The following SPATA16 variants were observed in gnomAD, a reference collection of about 807,000 sequenced individuals.
SPATA16 encodes the protein spermatogenesis associated 16.
In SPATA16, 36 loss-of-function variants were observed where a neutral mutation model predicts 63.3. That is an observed-to-expected ratio of 0.57 (90% CI 0.44 to 0.75). The LOEUF is 0.75. Among genes scored for constraint, SPATA16 ranks in the 30% least tolerant of loss-of-function variants. The pLI is 0.00. For missense variants in SPATA16, 646 were observed against 679.3 expected (o/e 0.95, Z 0.54); for synonymous variants, 203 against 216.7 (o/e 0.94, Z 0.56).
intron 4 of SPATA16, among the ~76,000 whole-genome samples, chr3:173,017,730 T>A (rs1393670795): frequency 6.6e-6 from 1 of 152,234 alleles, no homozygotes; most frequent in Non-Finnish European, 1.5e-5. Flanking sequence ...TGAAATTGTG[T>A]CTAGCCTTCT....
At chr3:173,117,813 T>C in intron 1 of SPATA16, 64 bp from the exon 2 acceptor site, 2 of 1,609,184 alleles carry the variant, frequency 1.2e-6, no homozygotes, top group Non-Finnish European at 1.7e-6. Flanking sequence ...GTTTAGACTA[T>C]AGTCAAATTC....
chr3:172,960,235 G>C (rs1354320404), intron 5 of SPATA16, among the ~76,000 whole-genome samples: 1 of 152,162 alleles, frequency 6.6e-6, no homozygotes, highest in Non-Finnish European at 1.5e-5. Context: ...TTCTTAATTT[G>C]ACATAAATAT....
intron 5 of SPATA16, among the ~76,000 whole-genome samples, chr3:172,964,330 A>G (rs1263620470): frequency 6.6e-6 from 1 of 152,202 alleles, no homozygotes; most frequent in African/African-American, 2.4e-5. Context: ...AACTTAAAGT[A>G]TGTTCTTGTT....
At position 173,117,499 on chromosome 3, in the gene SPATA16, T is replaced by A. The variant is rs1394039364; in HGVS notation, c.233A>T (p.Glu78Val). 6.2e-7 allele frequency: 1 copy of A among 1,614,198 alleles called. No homozygotes were observed. ...TGCCTTCCGTTTAAAGGCTGCTTTC[T>A]CTAAATCATTGCTTTGTTTTTCTTT... ...GIKEKQSNDL[E>V]KAAFKRKAEG... Residue 78 changes from glutamate (E) to valine (V), a missense_variant, in exon 2 of 11, where the codon GAG becomes GTG. Physicochemically the swap from Glu to Val is moderately radical, Grantham distance 121. Transcript: ENST00000351008.
chr3:173,101,593 T>C (rs1418280780), intron 2 of SPATA16, among the ~76,000 whole-genome samples: 1 of 152,206 alleles, frequency 6.6e-6, no homozygotes, highest in Non-Finnish European at 1.5e-5. Context: ...ACCTGGATTA[T>C]CGTCATCTTT....
At chr3:172,910,070 C>G (rs918647071) in intron 10 of SPATA16, among the ~76,000 whole-genome samples, 1 of 149,260 alleles carries the variant, frequency 6.7e-6, no homozygotes, top group Non-Finnish European at 1.5e-5. Flanking sequence ...AGGTAATGCT[C>G]TACACCAGAG....
intron 4 of SPATA16, among the ~76,000 whole-genome samples, chr3:172,981,527 G>A (rs1515436): frequency 1 from 152,260 of 152,264 alleles, 76,128 homozygotes; most frequent in Middle Eastern, 1. Context: ...TGGCCATACT[G>A]TTGCTTCTGG....
intron 10 of SPATA16, among the ~76,000 whole-genome samples, chr3:172,910,902 C>T (rs1464691553): frequency 2.0e-5 from 3 of 152,232 alleles, no homozygotes; most frequent in African/African-American, 7.2e-5. Flanking sequence ...CTTGCCAGCA[C>T]CCTATGTGAA....
At chr3:173,043,267 TTAAA>T (rs1735887185) in intron 3 of SPATA16, among the ~76,000 whole-genome samples, 3 of 152,158 alleles carry the variant, frequency 2.0e-5, no homozygotes, top group East Asian at 1.9e-4. Flanking sequence ...TTTCAGTTAA[TTAAA>T]TATTCATTAG....
intron 2 of SPATA16, among the ~76,000 whole-genome samples, chr3:173,070,825 C>T (rs187655772): frequency 1.1e-4 from 16 of 152,134 alleles, no homozygotes; most frequent in Middle Eastern, 3.4e-3. Context: ...CACAAAACAC[C>T]GGAAAGATGT....
intron 3 of SPATA16, among the ~76,000 whole-genome samples, chr3:173,038,568 C>T (rs1036695221): frequency 6.6e-6 from 1 of 151,974 alleles, no homozygotes; most frequent in African/African-American, 2.4e-5. Flanking sequence ...CAGTTTTTCA[C>T]CACTTGTCTG....
At chr3:172,924,540 T>G (rs1434676851) in intron 7 of SPATA16, among the ~76,000 whole-genome samples, 1 of 152,186 alleles carries the variant, frequency 6.6e-6, no homozygotes, top group Non-Finnish European at 1.5e-5. Flanking sequence ...ATTTATTTTG[T>G]TGTGTTTCTT....
At chr3:173,005,032 G>T (rs1393584099) in intron 4 of SPATA16, among the ~76,000 whole-genome samples, 1 of 152,168 alleles carries the variant, frequency 6.6e-6, no homozygotes, top group African/African-American at 2.4e-5. Flanking sequence ...TGTAGAAAAT[G>T]TAGAATCAGG....
At chr3:172,992,699 T>C (rs531753361) in intron 4 of SPATA16, among the ~76,000 whole-genome samples, 6 of 152,268 alleles carry the variant, frequency 3.9e-5, no homozygotes, top group Admixed American at 3.9e-4. Context: ...GAGCAGCTAC[T>C]ACTGCCCTGG....
chr3:172,991,455 A>C (rs1336923509), intron 4 of SPATA16, among the ~76,000 whole-genome samples: 1 of 152,176 alleles, frequency 6.6e-6, no homozygotes. Flanking sequence ...CTACAGAAAA[A>C]AATGCGTATA....
intron 2 of SPATA16, among the ~76,000 whole-genome samples, chr3:173,071,745 T>C (rs1326997216): frequency 1.3e-5 from 2 of 152,060 alleles, no homozygotes; most frequent in African/African-American, 4.8e-5. Context: ...AAATGTGAAT[T>C]AAAACAACAG....
chr3:172,941,524 G>T (rs1282021020), intron 6 of SPATA16, among the ~76,000 whole-genome samples: 3 of 152,174 alleles, frequency 2.0e-5, no homozygotes, highest in Non-Finnish European at 4.4e-5. Context: ...TCAGAAGACA[G>T]TGAAATAATA....
chr3:173,023,609 GAC>G (rs1325204507), intron 3 of SPATA16, among the ~76,000 whole-genome samples: 1 of 151,694 alleles, frequency 6.6e-6, no homozygotes, highest in African/African-American at 2.4e-5. Flanking sequence ...AGGAAGAATA[GAC>G]ATTTTTATAT....
intron 4 of SPATA16, among the ~76,000 whole-genome samples, chr3:172,990,389 CA>C (rs1734547543): frequency 6.6e-6 from 1 of 152,092 alleles, no homozygotes; most frequent in East Asian, 1.9e-4. Context: ...TATATTAAAC[CA>C]ACATTTTCAC....
Sources: allele counts gnomAD v4.1 joint callset (sites outside exome capture counted in the v4.1 genomes callset), GRCh38; gene constraint gnomAD v4.1.1; transcripts MANE v1.5; gene names NCBI Gene and HGNC (gene_info 2026-07-23, HGNC 2026-07-21).